The following LRBA variants were observed in gnomAD, a reference collection of about 807,000 sequenced individuals.
LRBA encodes lipopolysaccharide-responsive and beige-like anchor protein.
LRBA carries 176 observed loss-of-function variants against 330.0 expected under a neutral mutation model. The ratio of observed to expected loss-of-function variants is 0.53; its 90% confidence interval spans 0.47 to 0.60. The LOEUF (loss-of-function observed/expected upper bound fraction) is 0.60, where lower values mean the gene tolerates loss of function less well. Ranked by LOEUF, LRBA falls within the 20% of genes least tolerant of loss-of-function variation. The pLI is 0.00. For missense variants in LRBA, 3,259 were observed against 3,444.8 expected, an observed-to-expected ratio of 0.95 and a Z score of 1.35; for synonymous variants, 1,230 against 1,193.0, an observed-to-expected ratio of 1.03 and a Z score of -0.64.
chr4:150,937,379 T>A (rs1228432965), intron 2 of LRBA, among the ~76,000 whole-genome samples: 1 of 152,126 alleles, frequency 6.6e-6, no homozygotes, highest in Non-Finnish European at 1.5e-5. Context: ...AGTTATTATC[T>A]GAGCTGTAGT....
intron 47 of LRBA, among the ~76,000 whole-genome samples, chr4:150,358,317 C>G (rs1738169564): frequency 6.6e-6 from 1 of 151,924 alleles, no homozygotes; most frequent in Admixed American, 6.6e-5. Context: ...TAATAACCTC[C>G]TAAGAATGTG....
chr4:150,928,309 C>T (rs1734096946), intron 4 of LRBA, among the ~76,000 whole-genome samples: 1 of 152,022 alleles, frequency 6.6e-6, no homozygotes, highest in African/African-American at 2.4e-5. Flanking sequence ...ATTAAATTAC[C>T]AGTTTGCCTG....
At chr4:150,907,930 ATAAT>A (rs777323633) in intron 11 of LRBA, among the ~76,000 whole-genome samples, 75 of 152,294 alleles carry the variant, frequency 4.9e-4, no homozygotes, top group Non-Finnish European at 7.9e-4. Context: ...TCAGTAATAA[ATAAT>A]TAAAATATGA....
chr4:150,369,528 A>T (rs975451658), intron 47 of LRBA, among the ~76,000 whole-genome samples: 2 of 152,096 alleles, frequency 1.3e-5, no homozygotes, highest in Non-Finnish European at 2.9e-5. Context: ...CAAACATATG[A>T]TGCCTAAAAA....
intron 31 of LRBA, among the ~76,000 whole-genome samples, chr4:150,810,738 A>C (rs926640183): frequency 6.6e-6 from 1 of 152,090 alleles, no homozygotes; most frequent in African/African-American, 2.4e-5. Context: ...AGTAGCTGGG[A>C]ATATAGGTGG....
At chr4:150,824,594 G>GT (rs1176375487) in intron 30 of LRBA, among the ~76,000 whole-genome samples, 1 of 152,052 alleles carries the variant, frequency 6.6e-6, no homozygotes, top group Admixed American at 6.6e-5. Context: ...TCTATATGCA[G>GT]TTTTTTAAGG....
intron 44 of LRBA, among the ~76,000 whole-genome samples, chr4:150,463,019 G>A (rs62344666): frequency 0.37 from 55,518 of 151,708 alleles, 11,259 homozygotes; most frequent in Non-Finnish European, 0.47. Context: ...AAGGAATGAG[G>A]TACTTTTACT....
At chr4:150,693,293 G>A (rs12645871) in intron 36 of LRBA, among the ~76,000 whole-genome samples, 122,023 of 152,052 alleles carry the variant, frequency 0.8, 51,255 homozygotes, top group Non-Finnish European at 0.94. Flanking sequence ...GCCGGGCGCG[G>A]TGGCTCACGC....
At chr4:150,974,574 A>G (rs947624617) in intron 2 of LRBA, among the ~76,000 whole-genome samples, 1 of 152,216 alleles carries the variant, frequency 6.6e-6, no homozygotes, top group Non-Finnish European at 1.5e-5. Context: ...AGGCTACACT[A>G]TATCTACCAT....
At chr4:150,575,460 A>T (rs1467658553) in intron 40 of LRBA, among the ~76,000 whole-genome samples, 1 of 151,936 alleles carries the variant, frequency 6.6e-6, no homozygotes, top group Non-Finnish European at 1.5e-5. Context: ...ACTACTATTC[A>T]TAATAATATA....
chr4:150,697,325 G>GAA lies in LRBA; in HGVS notation c.5755-13610_5755-13609dup, dbSNP rs60145657. On this transcript the variant is annotated intron_variant, in intron 36 of 56. Coordinates refer to ENST00000651943, the MANE Select transcript of LRBA (RefSeq NM_001364905.1). The stretch of plus-strand genomic sequence containing the variant: ...GGTGACAGAGTGAGACTTTGTCTCA[G>GAA]AAAAAAAAAAAAAAAAAAAAAAAAA... Among the ~76,000 whole-genome samples, 16 of 28,052 alleles carry GAA rather than the reference G, an allele frequency of 5.7e-4. 4 individuals carry two copies. Among genetic ancestry groups the GAA allele is most frequent in the African/African-American group, 1.7e-3 (13 of 7,600 alleles). 18.4% of individuals were successfully genotyped at this position (28,052 alleles called of 152,430 possible). A position where few individuals can be genotyped will look rare whatever the true frequency, so the allele number is the denominator to read the frequency against.
At chr4:150,571,662 T>G (rs979954891) in intron 40 of LRBA, among the ~76,000 whole-genome samples, 1 of 146,816 alleles carries the variant, frequency 6.8e-6, no homozygotes, top group African/African-American at 2.5e-5. Context: ...TTTTTTTTTT[T>G]TTTTTTTTTT....
At chr4:150,496,190 T>C (rs1759572492) in intron 40 of LRBA, among the ~76,000 whole-genome samples, 1 of 152,172 alleles carries the variant, frequency 6.6e-6, no homozygotes, top group Non-Finnish European at 1.5e-5. Flanking sequence ...TTCTTCCTTC[T>C]GTCCTACAAA....
intron 37 of LRBA, among the ~76,000 whole-genome samples, chr4:150,606,162 T>TC (rs1047868699): frequency 5.9e-5 from 9 of 152,166 alleles, no homozygotes; most frequent in African/African-American, 2.2e-4. Flanking sequence ...CAAGAAATGA[T>TC]CCCAAGCTTT....
chr4:150,807,646 G>A (rs1320882011), intron 32 of LRBA, among the ~76,000 whole-genome samples: 1 of 151,766 alleles, frequency 6.6e-6, no homozygotes, highest in Non-Finnish European at 1.5e-5. Context: ...TGTTGTTGTT[G>A]TTGTTGTTGT....
Position 150,744,064 on chromosome 4 carries a change from A to AT in LRBA, c.5646-8699dup, listed in dbSNP as rs541047455. On this transcript the variant is annotated intron_variant, in intron 35 of 56. Coordinates refer to ENST00000651943, the MANE Select transcript of LRBA (RefSeq NM_001364905.1). The stretch of plus-strand genomic sequence containing the variant: ...GATTTTGGGGTGACATCATCAGGGT[A>AT]TTTTTTTTCAAATGCTATTAAACAG... Among the ~76,000 whole-genome samples, 11 of 151,888 alleles carry AT rather than the reference A, an allele frequency of 7.2e-5. No homozygotes were observed. The South Asian group carries it at 8.3e-4, about 12-fold the overall frequency.
At chr4:150,403,526 C>T (rs534215583) in intron 47 of LRBA, among the ~76,000 whole-genome samples, 93 of 152,136 alleles carry the variant, frequency 6.1e-4, no homozygotes, top group African/African-American at 2.1e-3. Context: ...AAAAGTATCT[C>T]TCTCTCTTTC....
At chr4:150,991,053 C>CAAA (rs543266001) in intron 2 of LRBA, among the ~76,000 whole-genome samples, 12 of 59,998 alleles carry the variant, frequency 2.0e-4, no homozygotes, top group African/African-American at 7.3e-4. Flanking sequence ...ACTCTGTCTC[C>CAAA]AAAAAAAAAA....
At chr4:150,866,776 A>C (rs17027152) in intron 22 of LRBA, among the ~76,000 whole-genome samples, 143 of 152,324 alleles carry the variant, frequency 9.4e-4, no homozygotes, top group African/African-American at 3.2e-3. Context: ...GAACAAAACT[A>C]TATGGGTCAA....
Sources: allele counts gnomAD v4.1 joint callset (sites outside exome capture counted in the v4.1 genomes callset), GRCh38; gene constraint gnomAD v4.1.1; transcripts MANE v1.5; gene names NCBI Gene and HGNC (gene_info 2026-07-23, HGNC 2026-07-21).